PCDH7: variants seen among roughly 807,000 people sequenced by gnomAD.
PCDH7 encodes the protein protocadherin-7.
PCDH7 carries 17 observed loss-of-function variants against 58.9 expected under a neutral mutation model. That is an observed-to-expected ratio of 0.29 (90% CI 0.20 to 0.43). The LOEUF is 0.43. Ranked by LOEUF, PCDH7 falls within the 20% of genes least tolerant of loss-of-function variation. The pLI is 1.00. For missense variants in PCDH7, 1,274 were observed against 1,441.0 expected (o/e 0.88, Z 1.88); for synonymous variants, 664 against 616.4 (o/e 1.08, Z -1.14).
chr4:30,961,671 T>C (rs1288480475), intron 3 of PCDH7, among the ~76,000 whole-genome samples: 2 of 152,230 alleles, frequency 1.3e-5, no homozygotes, highest in African/African-American at 4.8e-5. Flanking sequence ...CTTGTTTTTA[T>C]TATTTAAAAA....
chr4:30,734,233 T>C (rs1467140706), downstream of PCDH7, among the ~76,000 whole-genome samples: 1 of 148,178 alleles, frequency 6.7e-6, no homozygotes, highest in African/African-American at 2.5e-5. Flanking sequence ...ATTAATTTTC[T>C]ATCTTTTTTT....
In PCDH7 at chr4:30,907,636, T is replaced by G. The variant is rs191719359; in HGVS notation, c.71-12517T>G. Among the ~76,000 whole-genome samples the G allele has an allele frequency of 3.2e-3, 480 of 152,284 alleles. 3 individuals are homozygous for G. The highest frequency in any genetic ancestry group is 9.1e-3 in the African/African-American group (380 of 41,566). On this transcript the variant is annotated intron_variant, in intron 1 of 3. Coordinates refer to the PCDH7 transcript ENST00000509759. ...AGAGGATGTAGAGAAATAGGAATGCTTTTACACTGTTGGTGGGGGTGTAAA... is the reference window on the plus strand; with the variant it reads ...AGAGGATGTAGAGAAATAGGAATGCGTTTACACTGTTGGTGGGGGTGTAAA...
At chr4:31,103,482 A>G (rs1418643587) in intron 3 of PCDH7, among the ~76,000 whole-genome samples, 1 of 151,832 alleles carries the variant, frequency 6.6e-6, no homozygotes, top group African/African-American at 2.4e-5. Flanking sequence ...TTACAGGTGC[A>G]TGCCACCAAG....
chr4:30,831,788 C>A (rs1032219648), intron 1 of PCDH7, among the ~76,000 whole-genome samples: 11 of 152,078 alleles, frequency 7.2e-5, no homozygotes, highest in Non-Finnish European at 1.5e-4. Context: ...TGGGCATAAA[C>A]CCCCTTTTCA....
intron 2 of PCDH7, among the ~76,000 whole-genome samples, chr4:30,940,802 C>A (rs1167133812): frequency 6.6e-6 from 1 of 151,946 alleles, no homozygotes; most frequent in Non-Finnish European, 1.5e-5. Context: ...AAGAAGAAAT[C>A]AGCAATTTTG....
chr4:30,905,117 A>G (rs1005648353), intron 1 of PCDH7, among the ~76,000 whole-genome samples: 3 of 152,212 alleles, frequency 2.0e-5, no homozygotes, highest in Admixed American at 6.5e-5. Context: ...CTTAACATGC[A>G]CGTTTCATTT....
intron 3 of PCDH7, among the ~76,000 whole-genome samples, chr4:30,972,901 T>C (rs1246353492): frequency 6.6e-6 from 1 of 152,212 alleles, no homozygotes. Context: ...TTCTTGCCAT[T>C]GTGTTTGGTT....
intron 1 of PCDH7, among the ~76,000 whole-genome samples, chr4:30,844,468 C>T (rs898699690): frequency 2.0e-5 from 3 of 152,060 alleles, no homozygotes; most frequent in East Asian, 1.9e-4. Flanking sequence ...AAGTTAGTAT[C>T]GACTTCCACA....
chr4:31,142,017 G>C (rs577513057), intron 3 of PCDH7, among the ~76,000 whole-genome samples: 1 of 152,140 alleles, frequency 6.6e-6, no homozygotes, highest in Non-Finnish European at 1.5e-5. Flanking sequence ...TATGAATAAT[G>C]TATAAGCAGG....
chr4:30,812,287 A>T (rs1300817581), intron 1 of PCDH7, among the ~76,000 whole-genome samples: 1 of 152,196 alleles, frequency 6.6e-6, no homozygotes, highest in Non-Finnish European at 1.5e-5. Flanking sequence ...ATCTTCACTT[A>T]CAAGTGATTA....
At chr4:30,927,759 C>T (rs1344996616) in intron 2 of PCDH7, among the ~76,000 whole-genome samples, 1 of 151,764 alleles carries the variant, frequency 6.6e-6, no homozygotes, top group Non-Finnish European at 1.5e-5. Flanking sequence ...AACCAGAGAC[C>T]TTTGTTCACT....
At chr4:30,799,533 C>T (rs1483833747) in intron 1 of PCDH7, among the ~76,000 whole-genome samples, 1 of 152,082 alleles carries the variant, frequency 6.6e-6, no homozygotes, top group Non-Finnish European at 1.5e-5. Flanking sequence ...TATACAAAAT[C>T]CCATATCAAT....
chr4:30,859,089 T>C (rs1733859696), intron 1 of PCDH7, among the ~76,000 whole-genome samples: 1 of 152,202 alleles, frequency 6.6e-6, no homozygotes, highest in Non-Finnish European at 1.5e-5. Flanking sequence ...CTCTCTTTGT[T>C]CTTAACTATT....
At chr4:30,914,878 A>T (rs1003651845) in intron 1 of PCDH7, among the ~76,000 whole-genome samples, 20 of 152,184 alleles carry the variant, frequency 1.3e-4, no homozygotes, top group African/African-American at 3.6e-4. Flanking sequence ...TAGGTCACGT[A>T]AGGTTTCTTG....
chr4:30,793,193 G>A (rs1724353157), intron 1 of PCDH7, among the ~76,000 whole-genome samples: 1 of 152,108 alleles, frequency 6.6e-6, no homozygotes, highest in African/African-American at 2.4e-5. Flanking sequence ...CCTTAAGAGT[G>A]ATTGTATTCA....
intron 3 of PCDH7, among the ~76,000 whole-genome samples, chr4:31,126,272 C>T (rs1379757650): frequency 1.3e-5 from 2 of 151,952 alleles, no homozygotes; most frequent in Non-Finnish European, 2.9e-5. Context: ...TCTCACGCCT[C>T]AGCCTCCTGT....
chr4:30,868,668 G>T (rs1735175328), intron 1 of PCDH7, among the ~76,000 whole-genome samples: 1 of 151,992 alleles, frequency 6.6e-6, no homozygotes, highest in African/African-American at 2.4e-5. Flanking sequence ...TGGAAGCCAG[G>T]ACCTAATATC....
chr4:31,021,545 A>G (rs1207289532), intron 3 of PCDH7, among the ~76,000 whole-genome samples: 1 of 152,186 alleles, frequency 6.6e-6, no homozygotes, highest in Non-Finnish European at 1.5e-5. Context: ...GTTTGCTTAT[A>G]TAATTCAGTG....
In PCDH7 at chr4:30,965,912, C is replaced by T. The variant is rs182628373; in HGVS notation, c.*7+15697C>T. On this transcript the variant is annotated intron_variant, in intron 3 of 3. Transcript: ENST00000509759. Reference sequence around the variant, plus strand: ...TTATGGATAATCTTCAAGCAGTATCCGGACAGGATGGCCATTTTCATCTAA... The same window carrying T: ...TTATGGATAATCTTCAAGCAGTATCTGGACAGGATGGCCATTTTCATCTAA... Among the ~76,000 whole-genome samples the T allele has an allele frequency of 2.3e-4, 35 of 152,162 alleles. No homozygotes were observed. In the South Asian group the frequency reaches 5.6e-3, roughly 24 times the overall value.
Sources: allele counts gnomAD v4.1 joint callset (sites outside exome capture counted in the v4.1 genomes callset), GRCh38; gene constraint gnomAD v4.1.1; transcripts MANE v1.5; gene names NCBI Gene and HGNC (gene_info 2026-07-23, HGNC 2026-07-21).